UNC13C: variants seen among roughly 807,000 people sequenced by gnomAD.
The protein encoded by UNC13C is protein unc-13 homolog C.
In UNC13C, 174 loss-of-function variants were observed where a neutral mutation model predicts 245.4. The ratio of observed to expected loss-of-function variants is 0.71; its 90% CI spans 0.63 to 0.80. UNC13C has a LOEUF of 0.80. Among genes scored for constraint, UNC13C ranks in the 30% least tolerant of loss-of-function variants. The probability of loss-of-function intolerance (pLI) is 0.00; values close to 1 mark genes in which losing one functional copy is unlikely to be tolerated. For missense variants in UNC13C, 2,829 were observed against 2,602.9 expected (o/e 1.09, Z -1.89); for synonymous variants, 992 against 895.1 (o/e 1.11, Z -1.93).
At chr15:54,391,887 T>C (rs2039965077) in intron 17 of UNC13C, among the ~76,000 whole-genome samples, 1 of 152,072 alleles carries the variant, frequency 6.6e-6, no homozygotes, top group Non-Finnish European at 1.5e-5. Flanking sequence ...TGGTTACATA[T>C]CATGATTTGC....
At chr15:53,931,746 A>T in the UNC13C span, among the ~76,000 whole-genome samples, 2 of 152,162 alleles carry the variant, frequency 1.3e-5, no homozygotes, top group Non-Finnish European at 2.9e-5. Flanking sequence ...GGTGAAATCA[A>T]TTGAGGTGTG....
At chr15:54,447,691 C>T (rs1031128610) in intron 19 of UNC13C, among the ~76,000 whole-genome samples, 29 of 152,136 alleles carry the variant, frequency 1.9e-4, no homozygotes, top group African/African-American at 7.0e-4. Context: ...TGCTAGTGGT[C>T]TATCAATTTT....
In UNC13C at chr15:54,082,278, G is replaced by A. The variant is rs569599238; in HGVS notation, c.2984-60740G>A. On this transcript the variant is annotated intron_variant, in intron 2 of 32. Transcript: ENST00000260323. ...TGGTCATCTTGTATAGTATCTCGCA[G>A]GTGTTCTCTGAATTTCTTGTATCTG... 2.4e-4 allele frequency among the ~76,000 whole-genome samples: 36 copies of A among 152,150 alleles called. No homozygotes were observed. In the South Asian group the frequency reaches 7.1e-3, roughly 30 times the overall value.
chr15:53,960,804 C>T, the UNC13C span, among the ~76,000 whole-genome samples: 1 of 152,294 alleles, frequency 6.6e-6, no homozygotes, highest in Admixed American at 6.5e-5. Context: ...TTCTCTGCAG[C>T]CAACTTGTTA....
chr15:54,024,754 AAC>A (rs1319887135), intron 2 of UNC13C, among the ~76,000 whole-genome samples: 1 of 152,004 alleles, frequency 6.6e-6, no homozygotes, highest in Non-Finnish European at 1.5e-5. Flanking sequence ...CGTCTCTAAA[AAC>A]ACAAAAAAAT....
chr15:54,108,505 T>G (rs1900576775), intron 2 of UNC13C, among the ~76,000 whole-genome samples: 2 of 152,178 alleles, frequency 1.3e-5, no homozygotes, highest in African/African-American at 4.8e-5. Flanking sequence ...ATAATACTTT[T>G]TAAACATCTC....
At chr15:53,881,551 G>C in the UNC13C span, among the ~76,000 whole-genome samples, 10 of 152,166 alleles carry the variant, frequency 6.6e-5, no homozygotes, top group African/African-American at 2.4e-4. Context: ...TGAATAGAGG[G>C]TGTCAACTTC....
intron 4 of UNC13C, among the ~76,000 whole-genome samples, chr15:54,164,079 C>T (rs1390692457): frequency 6.6e-6 from 1 of 151,956 alleles, no homozygotes; most frequent in Non-Finnish European, 1.5e-5. Context: ...TTTTGCTTGA[C>T]TATAGTAACC....
chr15:54,184,812 T>C (rs2033919349), intron 4 of UNC13C, among the ~76,000 whole-genome samples: 2 of 152,214 alleles, frequency 1.3e-5, no homozygotes, highest in Non-Finnish European at 2.9e-5. Flanking sequence ...CAAATGGTAT[T>C]TCTAGTTCTA....
chr15:54,233,759 TA>T (rs1417922151), intron 4 of UNC13C, among the ~76,000 whole-genome samples: 1 of 152,132 alleles, frequency 6.6e-6, no homozygotes, highest in Non-Finnish European at 1.5e-5. Context: ...AACTGGACTA[TA>T]AAATGCTATT....
At chr15:54,353,932 G>T (rs2039038737) in intron 17 of UNC13C, among the ~76,000 whole-genome samples, 1 of 152,222 alleles carries the variant, frequency 6.6e-6, no homozygotes, top group Non-Finnish European at 1.5e-5. Context: ...CAGGATGAAG[G>T]AGGCAGACCC....
the UNC13C span, chr15:53,972,531 T>C: frequency 6.6e-6 from 1 of 152,248 alleles, no homozygotes; most frequent in African/African-American, 2.4e-5. Flanking sequence ...GGTCTTTCAG[T>C]ATGATTCTTG....
intron 19 of UNC13C, among the ~76,000 whole-genome samples, chr15:54,480,985 G>A (rs1210005831): frequency 6.6e-6 from 1 of 152,124 alleles, no homozygotes; most frequent in African/African-American, 2.4e-5. Context: ...GGGTCTCAGG[G>A]TACAATGTAT....
At chr15:54,080,185 G>A (rs1052476691) in intron 2 of UNC13C, among the ~76,000 whole-genome samples, 8 of 151,880 alleles carry the variant, frequency 5.3e-5, no homozygotes, top group Admixed American at 4.6e-4. Flanking sequence ...TGATTGTGAT[G>A]AACTGACTTT....
intron 19 of UNC13C, among the ~76,000 whole-genome samples, chr15:54,442,533 G>A (rs747874549): frequency 6.6e-6 from 1 of 151,908 alleles, no homozygotes; most frequent in South Asian, 2.1e-4. Flanking sequence ...CCAGTTCTTA[G>A]AGGAAAGGCT....
At chr15:54,078,913 A>G (rs190673614) in intron 2 of UNC13C, among the ~76,000 whole-genome samples, 1 of 152,246 alleles carries the variant, frequency 6.6e-6, no homozygotes, top group Non-Finnish European at 1.5e-5. Context: ...AGTTTCTCCT[A>G]GATTTTATTC....
At chr15:54,626,537 T>C (rs941112459) in intron 32 of UNC13C, among the ~76,000 whole-genome samples, 2 of 152,106 alleles carry the variant, frequency 1.3e-5, no homozygotes, top group Non-Finnish European at 2.9e-5. Flanking sequence ...CTAGCCCCCA[T>C]GACCCCTTTC....
chr15:54,054,408 T>C (rs1383612449), intron 2 of UNC13C, among the ~76,000 whole-genome samples: 2 of 152,202 alleles, frequency 1.3e-5, no homozygotes, highest in African/African-American at 2.4e-5. Flanking sequence ...AATACCTATC[T>C]TAAGGCTGCC....
At chr15:54,144,535 A>G (rs2032170824) in intron 4 of UNC13C, among the ~76,000 whole-genome samples, 1 of 152,206 alleles carries the variant, frequency 6.6e-6, no homozygotes, top group African/African-American at 2.4e-5. Flanking sequence ...CACTTAAGAG[A>G]TGTTTCCTTC....
Sources: allele counts gnomAD v4.1 joint callset (sites outside exome capture counted in the v4.1 genomes callset), GRCh38; gene constraint gnomAD v4.1.1; transcripts MANE v1.5; gene names NCBI Gene and HGNC (gene_info 2026-07-23, HGNC 2026-07-21).